FOXP2: variants seen among roughly 807,000 people sequenced by gnomAD.
FOXP2 encodes forkhead box protein P2.
In FOXP2, 12 loss-of-function variants were observed where a neutral mutation model predicts 115.8. The ratio of observed to expected loss-of-function variants is 0.10; its 90% CI spans 0.07 to 0.17. FOXP2 has a LOEUF of 0.17. FOXP2 is among the 10% of genes least tolerant of loss of function. The pLI is 1.00. For synonymous variants in FOXP2, 328 were observed against 297.7 expected (o/e 1.10, Z -1.05); for missense variants, 629 against 843.5 (o/e 0.75, Z 3.15).
intron 2 of FOXP2, among the ~76,000 whole-genome samples, chr7:114,460,295 G>C (rs1354166808): frequency 6.6e-6 from 1 of 152,090 alleles, no homozygotes; most frequent in African/African-American, 2.4e-5. Flanking sequence ...AGATTTATCT[G>C]TTGTATATCT....
chr7:114,671,914 T>C (rs1220434905), intron 16 of FOXP2, among the ~76,000 whole-genome samples: 2 of 152,224 alleles, frequency 1.3e-5, no homozygotes, highest in South Asian at 2.1e-4. Context: ...TGGCAGAATT[T>C]AACATTTACC....
At chr7:114,418,384 G>A (rs954149663) in intron 1 of FOXP2, among the ~76,000 whole-genome samples, 2 of 151,890 alleles carry the variant, frequency 1.3e-5, no homozygotes, top group Non-Finnish European at 2.9e-5. Context: ...GTCATGATGA[G>A]CTATGTCTCT....
chr7:114,654,132 A>G, intron 10 of FOXP2, 123 bp downstream of exon 10: 1 of 1,574,690 alleles, frequency 6.4e-7, no homozygotes, highest in South Asian at 1.1e-5. Context: ...ATAAAATGAA[A>G]GTAAAATGTA....
rs1044877965 is a variant in FOXP2, at chr7:114,690,645, T to C, written c.*719T>C. ...GCTAACATTATCTGTGCAAGCACCA[T>C]AGAAACATTTGCATATCTGCATAGA... On this transcript the variant is annotated 3_prime_UTR_variant, in exon 17 of 17. Coordinates refer to ENST00000350908, the MANE Select transcript of FOXP2 (RefSeq NM_014491.4). The C allele has an allele frequency of 3.1e-5, 14 of 454,180 alleles. 1 individual carries two copies. Among genetic ancestry groups the C allele is most frequent in the Middle Eastern group, 6.8e-4 (1 of 1,464 alleles). 28.1% of individuals were successfully genotyped at this position (454,180 alleles called of 1,614,324 possible). A position where few individuals can be genotyped will look rare whatever the true frequency, so the allele number is the denominator to read the frequency against.
At chr7:114,384,413 T>G (rs1227510261) in intron 2 of FOXP2, among the ~76,000 whole-genome samples, 3 of 152,208 alleles carry the variant, frequency 2.0e-5, no homozygotes, top group Non-Finnish European at 4.4e-5. Flanking sequence ...ACTTTAAGGC[T>G]TGGCTGAGTG....
intron 2 of FOXP2, among the ~76,000 whole-genome samples, chr7:114,385,218 C>CATAG (rs969794516): frequency 8.5e-5 from 13 of 152,112 alleles, no homozygotes; most frequent in African/African-American, 2.7e-4. Flanking sequence ...TGCCTAAGGA[C>CATAG]ATAGCATAGA....
At chr7:114,582,144 G>T (rs893351319) in intron 3 of FOXP2, among the ~76,000 whole-genome samples, 2 of 152,150 alleles carry the variant, frequency 1.3e-5, no homozygotes, top group South Asian at 2.1e-4. Flanking sequence ...TTGAAACAAG[G>T]TCTGAAACAT....
chr7:114,636,727 C>T (rs2129330539), intron 6 of FOXP2, among the ~76,000 whole-genome samples: 1 of 151,610 alleles, frequency 6.6e-6, no homozygotes, highest in Non-Finnish European at 1.5e-5. Flanking sequence ...ATCTTAGCAG[C>T]ATTTTCAAAG....
At position 114,642,494 on chromosome 7, in the gene FOXP2, G is replaced by T; in HGVS notation, c.860G>T (p.Gly287Val). 1 of 1,613,768 alleles carries T rather than the reference G, an allele frequency of 6.2e-7. No homozygotes were observed. The highest frequency in any genetic ancestry group is 8.5e-7 in the Non-Finnish European group (1 of 1,179,920). ...ATGGAAGACAATGGCATTAAACATG[G>T]AGGGCTAGACCTCACTACTAACAAT... ...HSMEDNGIKH[G>V]GLDLTTNNSS... is the part of the protein sequence containing the mutation. The change falls in exon 7 of 17, where the codon GGA becomes GTA. Residue 287 changes from glycine (G) to valine (V), a missense_variant. By Grantham distance (109) the Gly-to-Val change is moderately radical. Coordinates refer to ENST00000350908, the MANE Select transcript of FOXP2 (RefSeq NM_014491.4).
chr7:114,670,160 G>A (rs1237457176), intron 16 of FOXP2, among the ~76,000 whole-genome samples: 4 of 151,740 alleles, frequency 2.6e-5, no homozygotes, highest in Admixed American at 1.3e-4. Context: ...TTCTATATTC[G>A]TTGTAGGTGA....
chr7:114,560,624 C>T (rs769790514), intron 3 of FOXP2, among the ~76,000 whole-genome samples: 7 of 151,296 alleles, frequency 4.6e-5, no homozygotes, highest in Admixed American at 1.3e-4. Flanking sequence ...CCCCCGCCTC[C>T]GCCAAAAAAA....
intron 1 of FOXP2, among the ~76,000 whole-genome samples, chr7:114,140,986 T>C (rs1368989494): frequency 6.6e-6 from 1 of 152,254 alleles, no homozygotes; most frequent in African/African-American, 2.4e-5. Flanking sequence ...CAACAGATAA[T>C]TTTATGATTT....
chr7:114,367,884 A>G (rs1791918486), intron 2 of FOXP2, among the ~76,000 whole-genome samples: 1 of 152,226 alleles, frequency 6.6e-6, no homozygotes, highest in Admixed American at 6.5e-5. Context: ...ACGTGTATAT[A>G]CATAATTCTA....
In FOXP2 at chr7:114,496,555, A is replaced by G. The variant is rs913075771; in HGVS notation, c.169-38062A>G. ...CAGAGAGAGCAATTAATGTTTGGAA[A>G]ACTTTCAGAAACTGATGAACAAAAG... On this transcript the variant is annotated intron_variant, in intron 2 of 16. Transcript: ENST00000350908. 1.9e-4 allele frequency among the ~76,000 whole-genome samples: 29 copies of G among 152,262 alleles called. 1 individual carries two copies. Among genetic ancestry groups the G allele is most frequent in the Middle Eastern group, 6.8e-3 (2 of 292 alleles).
intron 1 of FOXP2, among the ~76,000 whole-genome samples, chr7:114,206,793 T>G (rs1584544941): frequency 6.6e-6 from 1 of 152,222 alleles, no homozygotes; most frequent in African/African-American, 2.4e-5. Context: ...ATTTTTAATA[T>G]TACAGCTTTA....
chr7:114,617,182 T>C (rs1188837015), intron 3 of FOXP2, among the ~76,000 whole-genome samples: 1 of 152,228 alleles, frequency 6.6e-6, no homozygotes, highest in Admixed American at 6.5e-5. Context: ...AAATTTAGCA[T>C]ACCAAGCATG....
At chr7:114,216,343 C>T (rs1308174606) in intron 1 of FOXP2, among the ~76,000 whole-genome samples, 1 of 152,026 alleles carries the variant, frequency 6.6e-6, no homozygotes, top group Admixed American at 6.6e-5. Context: ...TTTATGAGAT[C>T]CAATTCAAAT....
At chr7:114,144,206 G>A (rs1439326421) in intron 1 of FOXP2, among the ~76,000 whole-genome samples, 1 of 152,148 alleles carries the variant, frequency 6.6e-6, no homozygotes, top group East Asian at 1.9e-4. Flanking sequence ...GATGGCTTTA[G>A]CAGGATGTAA....
chr7:114,099,781 G>A (rs551693357), intron 1 of FOXP2, among the ~76,000 whole-genome samples: 35 of 152,238 alleles, frequency 2.3e-4, no homozygotes, highest in Admixed American at 7.8e-4. Flanking sequence ...GCTTGGGGAG[G>A]AAATGGGGAC....
Sources: gnomAD v4.1 joint callset for allele counts (sites outside exome capture counted in the v4.1 genomes callset) on GRCh38, gnomAD v4.1.1 for gene constraint, MANE v1.5 for transcripts, NCBI Gene and HGNC (gene_info 2026-07-23, HGNC 2026-07-21) for gene names.